The following KCTD8 variants were observed in gnomAD, a reference collection of about 807,000 sequenced individuals.
KCTD8 encodes BTB/POZ domain-containing protein KCTD8.
KCTD8 carries 27 observed loss-of-function variants against 31.5 expected under a neutral mutation model. The ratio of observed to expected loss-of-function variants is 0.86; its 90% CI spans 0.63 to 1.18. KCTD8 has a LOEUF of 1.18. KCTD8 is among the 50% of genes most tolerant of loss of function. The pLI is 0.00. For synonymous variants in KCTD8, 290 were observed against 280.0 expected (o/e 1.04, Z -0.36); for missense variants, 658 against 647.7 (o/e 1.02, Z -0.17).
intron 1 of KCTD8, among the ~76,000 whole-genome samples, chr4:44,430,523 A>T (rs181674712): frequency 6.6e-6 from 1 of 151,796 alleles, no homozygotes; most frequent in Admixed American, 6.6e-5. Flanking sequence ...TGTACATAGC[A>T]TATGGCCTAT....
chr4:44,309,868 A>G, intron 1 of KCTD8, among the ~76,000 whole-genome samples: 1 of 152,230 alleles, frequency 6.6e-6, no homozygotes. Flanking sequence ...GTATTTTCGA[A>G]CTAAAATACT....
At chr4:44,240,638 A>G (rs1204692087) in intron 1 of KCTD8, among the ~76,000 whole-genome samples, 1 of 152,082 alleles carries the variant, frequency 6.6e-6, no homozygotes, top group Non-Finnish European at 1.5e-5. Flanking sequence ...CATGCCCCGC[A>G]TGTTTTTATT....
intron 1 of KCTD8, among the ~76,000 whole-genome samples, chr4:44,336,311 A>T (rs1163546236): frequency 6.6e-6 from 1 of 151,872 alleles, no homozygotes; most frequent in Admixed American, 6.5e-5. Context: ...GAATCTCTAA[A>T]GAATAAATAT....
intron 1 of KCTD8, among the ~76,000 whole-genome samples, chr4:44,359,654 T>G (rs1325912619): frequency 1.3e-5 from 2 of 152,266 alleles, no homozygotes; most frequent in South Asian, 4.1e-4. Context: ...TCTTTTGCTC[T>G]TGCTGCTTGT....
chr4:44,351,794 G>C (rs1288340071), intron 1 of KCTD8, among the ~76,000 whole-genome samples: 1 of 152,082 alleles, frequency 6.6e-6, no homozygotes, highest in Non-Finnish European at 1.5e-5. Context: ...GAGTACAGCA[G>C]AGACGGTATA....
chr4:44,223,411 A>G (rs1433183851), intron 1 of KCTD8, among the ~76,000 whole-genome samples: 1 of 152,184 alleles, frequency 6.6e-6, no homozygotes, highest in African/African-American at 2.4e-5. Context: ...CAGAGTCACA[A>G]ACATTTCTAA....
intron 1 of KCTD8, among the ~76,000 whole-genome samples, chr4:44,229,332 A>C (rs1318233339): frequency 6.6e-6 from 1 of 152,176 alleles, no homozygotes; most frequent in Non-Finnish European, 1.5e-5. Context: ...GTCGTGCTAA[A>C]GTGTTAATTA....
intron 1 of KCTD8, among the ~76,000 whole-genome samples, chr4:44,421,552 A>G (rs1355055404): frequency 6.6e-6 from 1 of 152,060 alleles, no homozygotes; most frequent in Non-Finnish European, 1.5e-5. Context: ...GCTTTCTCAT[A>G]TCCTCTGGTT....
intron 1 of KCTD8, among the ~76,000 whole-genome samples, chr4:44,306,752 A>C (rs1577606091): frequency 6.6e-6 from 1 of 152,032 alleles, no homozygotes; most frequent in Non-Finnish European, 1.5e-5. Flanking sequence ...GACAGAACTA[A>C]GGAAGGTAAA....
At chr4:44,205,430 T>C (rs937575666) in intron 1 of KCTD8, among the ~76,000 whole-genome samples, 9 of 149,582 alleles carry the variant, frequency 6.0e-5, no homozygotes, top group Admixed American at 1.3e-4. Flanking sequence ...TTGGAAAACA[T>C]ATTTATATTT....
intron 1 of KCTD8, among the ~76,000 whole-genome samples, chr4:44,379,928 G>A (rs951758316): frequency 1.3e-5 from 2 of 151,872 alleles, no homozygotes; most frequent in Non-Finnish European, 2.9e-5. Context: ...ATATAGTTAG[G>A]TGTTCTTTTT....
chr4:44,261,910 T>C (rs7685782), intron 1 of KCTD8, among the ~76,000 whole-genome samples: 6 of 152,068 alleles, frequency 3.9e-5, no homozygotes, highest in African/African-American at 1.4e-4. Flanking sequence ...TGAATATATA[T>C]AATTTTTAGT....
intron 1 of KCTD8, among the ~76,000 whole-genome samples, chr4:44,267,819 T>G (rs143995314): frequency 6.6e-6 from 1 of 152,242 alleles, no homozygotes; most frequent in East Asian, 1.9e-4. Context: ...CCTCGACACA[T>G]ACATTCTCCC....
At chr4:44,341,508 T>C (rs572384875) in intron 1 of KCTD8, among the ~76,000 whole-genome samples, 1 of 152,368 alleles carries the variant, frequency 6.6e-6, no homozygotes, top group African/African-American at 2.4e-5. Context: ...CAACTAAGTT[T>C]ATGGAATAGT....
chr4:44,313,739 G>C (rs1244872926), intron 1 of KCTD8, among the ~76,000 whole-genome samples: 1 of 152,178 alleles, frequency 6.6e-6, no homozygotes, highest in Non-Finnish European at 1.5e-5. Context: ...AAGAAACCTA[G>C]TTTAATAAAT....
At chr4:44,333,420 T>G (rs1718639752) in intron 1 of KCTD8, among the ~76,000 whole-genome samples, 1 of 152,108 alleles carries the variant, frequency 6.6e-6, no homozygotes, top group African/African-American at 2.4e-5. Context: ...AAGTCAATAC[T>G]TCAATATTGT....
intron 1 of KCTD8, among the ~76,000 whole-genome samples, chr4:44,243,496 G>T (rs1261407729): frequency 6.6e-6 from 1 of 152,174 alleles, no homozygotes; most frequent in Non-Finnish European, 1.5e-5. Context: ...AATTTCCACA[G>T]TGTAAGGGCA....
chr4:44,249,278 A>G (rs1715757762), intron 1 of KCTD8, among the ~76,000 whole-genome samples: 2 of 151,892 alleles, frequency 1.3e-5, no homozygotes, highest in African/African-American at 4.8e-5. Flanking sequence ...TTCACATTTC[A>G]AAGAAATTGG....
chr4:44,382,372 T>C (rs114332346), intron 1 of KCTD8, among the ~76,000 whole-genome samples: 1,974 of 152,104 alleles, frequency 0.013, 43 homozygotes, highest in African/African-American at 0.044. Context: ...AGGCCATATA[T>C]GACAAACCCA....
Sources: allele counts gnomAD v4.1 joint callset (sites outside exome capture counted in the v4.1 genomes callset), GRCh38; gene constraint gnomAD v4.1.1; transcripts MANE v1.5; gene names NCBI Gene and HGNC (gene_info 2026-07-23, HGNC 2026-07-21).